The following NAALADL2 variants were observed in gnomAD, a reference collection of about 807,000 sequenced individuals.
The protein encoded by NAALADL2 is N-acetylated alpha-linked acidic dipeptidase like 2.
A neutral mutation model predicts 87.2 loss-of-function variants in NAALADL2; 76 were observed. The observed-to-expected ratio is 0.87, with a 90% CI of 0.72 to 1.05. NAALADL2 has a LOEUF of 1.05. Among genes scored for constraint, NAALADL2 ranks in the 50% least tolerant of loss-of-function variants. The pLI, the probability that NAALADL2 is intolerant of heterozygous loss-of-function variation, is 0.00. For synonymous variants in NAALADL2, 354 were observed against 331.0 expected (o/e 1.07, Z -0.75); for missense variants, 1,089 against 945.8 (o/e 1.15, Z -1.99).
intron 3 of NAALADL2, among the ~76,000 whole-genome samples, chr3:174,748,271 A>G (rs546092836): frequency 6.6e-4 from 101 of 152,068 alleles, no homozygotes; most frequent in Non-Finnish European, 1.2e-3. Flanking sequence ...ATGTTTACCT[A>G]TGTAAGGAAC....
At chr3:174,873,277 C>T (rs896054315) in intron 1 of NAALADL2, among the ~76,000 whole-genome samples, 31 of 146,264 alleles carry the variant, frequency 2.1e-4, no homozygotes, top group African/African-American at 5.5e-4. Context: ...TTATTTTAGA[C>T]GGAGTCTCGC....
chr3:175,020,407 C>A (rs1226436435), intron 1 of NAALADL2, among the ~76,000 whole-genome samples: 2 of 152,056 alleles, frequency 1.3e-5, no homozygotes, highest in African/African-American at 4.8e-5. Flanking sequence ...CTCCACCTAA[C>A]TGCAGTGAGT....
chr3:175,085,911 C>T (rs1718807386), intron 1 of NAALADL2, among the ~76,000 whole-genome samples: 1 of 151,998 alleles, frequency 6.6e-6, no homozygotes, highest in African/African-American at 2.4e-5. Context: ...AGTGAGACTC[C>T]ATCTCAGAAG....
intron 2 of NAALADL2, among the ~76,000 whole-genome samples, chr3:174,692,289 T>A (rs1728649067): frequency 6.6e-6 from 1 of 152,260 alleles, no homozygotes; most frequent in South Asian, 2.1e-4. Flanking sequence ...TTTGCTCTTC[T>A]TGTTTATGAT....
chr3:175,405,991 C>T (rs1712285181), intron 5 of NAALADL2, among the ~76,000 whole-genome samples: 1 of 152,108 alleles, frequency 6.6e-6, no homozygotes, highest in Non-Finnish European at 1.5e-5. Flanking sequence ...GTGCGGGGAA[C>T]ATAGTAAGTG....
intron 1 of NAALADL2, among the ~76,000 whole-genome samples, chr3:174,929,860 CT>C (rs1213075966): frequency 6.6e-6 from 1 of 152,104 alleles, no homozygotes; most frequent in Non-Finnish European, 1.5e-5. Flanking sequence ...ATTTCTTAGC[CT>C]TTCCTGTAAA....
At position 174,955,598 on chromosome 3, in the gene NAALADL2, G is replaced by C. The variant is rs182541704; in HGVS notation, c.43+96148G>C. On this transcript the variant is annotated intron_variant, in intron 1 of 13. Transcript: ENST00000454872. ...TGGTGACTCATACATATCTTTGCTAGAGGGAGTGGTATGTAGACAAAGGAT... is the reference window on the plus strand; with the variant it reads ...TGGTGACTCATACATATCTTTGCTACAGGGAGTGGTATGTAGACAAAGGAT... Among the ~76,000 whole-genome samples the C allele has an allele frequency of 2.6e-3, 391 of 152,188 alleles. 5 individuals carry two copies. Among genetic ancestry groups the C allele is most frequent in the African/African-American group, 8.9e-3 (371 of 41,548 alleles).
intron 1 of NAALADL2, among the ~76,000 whole-genome samples, chr3:174,863,411 T>A (rs571653768): frequency 6.6e-6 from 1 of 152,208 alleles, no homozygotes; most frequent in South Asian, 2.1e-4. Context: ...AGGCTTGGGT[T>A]TTCTCTTTAC....
chr3:175,267,365 A>G (rs2051316126), intron 4 of NAALADL2, among the ~76,000 whole-genome samples: 1 of 152,080 alleles, frequency 6.6e-6, no homozygotes, highest in African/African-American at 2.4e-5. Flanking sequence ...TAATAAGGCA[A>G]ATGCTTAGTT....
At chr3:175,694,148 C>T (rs944214993) in intron 11 of NAALADL2, among the ~76,000 whole-genome samples, 15 of 152,020 alleles carry the variant, frequency 9.9e-5, no homozygotes, top group Non-Finnish European at 2.2e-4. Flanking sequence ...GTCTCTACAA[C>T]GTCAGAATAT....
chr3:175,063,640 A>G (rs1309906775), intron 1 of NAALADL2, among the ~76,000 whole-genome samples: 1 of 151,760 alleles, frequency 6.6e-6, no homozygotes, highest in Non-Finnish European at 1.5e-5. Flanking sequence ...CTATGTCCCC[A>G]CTAATTTTTT....
intron 1 of NAALADL2, among the ~76,000 whole-genome samples, chr3:174,882,614 C>T (rs1293090956): frequency 6.1e-5 from 9 of 147,930 alleles, no homozygotes; most frequent in African/African-American, 2.0e-4. Flanking sequence ...CATATATGTG[C>T]ATATGCATAT....
intron 11 of NAALADL2, among the ~76,000 whole-genome samples, chr3:175,708,378 G>A (rs1344797541): frequency 6.6e-6 from 1 of 152,090 alleles, no homozygotes; most frequent in African/African-American, 2.4e-5. Context: ...ATGCTACTAT[G>A]ATCCAGATGA....
At chr3:174,457,035 A>G (rs1270177200) in intron 1 of NAALADL2, among the ~76,000 whole-genome samples, 1 of 152,166 alleles carries the variant, frequency 6.6e-6, no homozygotes, top group South Asian at 2.1e-4. Flanking sequence ...TCCCATTAAA[A>G]TGTGGGCAAA....
intron 9 of NAALADL2, among the ~76,000 whole-genome samples, chr3:175,562,953 G>GGTGT (rs71164639): frequency 0.013 from 2,000 of 149,906 alleles, 37 homozygotes; most frequent in African/African-American, 0.042. Context: ...ATATAGGAGG[G>GGTGT]GTGTGTGTGT....
chr3:175,270,569 A>G (rs1022788980), intron 4 of NAALADL2, among the ~76,000 whole-genome samples: 13 of 152,202 alleles, frequency 8.5e-5, no homozygotes, highest in African/African-American at 3.1e-4. Flanking sequence ...GAGCTCATTT[A>G]TTATGAGCAA....
chr3:175,553,864 C>T (rs1352033487), intron 9 of NAALADL2, among the ~76,000 whole-genome samples: 2 of 151,958 alleles, frequency 1.3e-5, no homozygotes, highest in Non-Finnish European at 2.9e-5. Flanking sequence ...CGTCTTCTAT[C>T]TACCAGCCAT....
chr3:174,837,686 CG>C (rs1466964279), intron 3 of NAALADL2, among the ~76,000 whole-genome samples: 1 of 151,866 alleles, frequency 6.6e-6, no homozygotes, highest in African/African-American at 2.4e-5. Flanking sequence ...CCCAGCTACT[CG>C]GGAGGCTGAG....
intron 4 of NAALADL2, among the ~76,000 whole-genome samples, chr3:175,274,466 C>T (rs1048047750): frequency 2.0e-5 from 3 of 152,172 alleles, no homozygotes; most frequent in African/African-American, 7.2e-5. Flanking sequence ...AACTATTCAG[C>T]AGCTAAATAG....
Sources: gnomAD v4.1 joint callset for allele counts (sites outside exome capture counted in the v4.1 genomes callset) on GRCh38, gnomAD v4.1.1 for gene constraint, MANE v1.5 for transcripts, NCBI Gene and HGNC (gene_info 2026-07-23, HGNC 2026-07-21) for gene names.